The following CELF1 variants were observed in gnomAD, a reference collection of about 807,000 sequenced individuals.
The protein encoded by CELF1 is 50 kDa nuclear polyadenylated RNA-binding protein.
CELF1 carries 10 observed loss-of-function variants against 61.8 expected under a neutral mutation model. That is an observed-to-expected ratio of 0.16 (90% CI 0.10 to 0.27). The LOEUF is 0.27. CELF1 is among the 10% of genes least tolerant of loss of function. The pLI, the probability that CELF1 is intolerant of heterozygous loss-of-function variation, is 1.00. For missense variants in CELF1, 380 were observed against 639.1 expected (o/e 0.59, Z 4.37); for synonymous variants, 236 against 225.1 (o/e 1.05, Z -0.43).
chr11:47,493,652 T>C (rs1596754409), intron 3 of CELF1, among the ~76,000 whole-genome samples: 1 of 151,512 alleles, frequency 6.6e-6, no homozygotes, highest in Non-Finnish European at 1.5e-5. Context: ...AGTCTAGTAA[T>C]AATAAATGTA....
rs373864483 is a variant in CELF1 at position 47,501,232 on chromosome 11, C to T, written c.-153-300G>A. Among the ~76,000 whole-genome samples, 33 of 152,298 alleles carry T rather than the reference C, an allele frequency of 2.2e-4. 1 individual carries two copies. Among genetic ancestry groups the T allele is most frequent in the African/African-American group, 7.0e-4 (29 of 41,556 alleles). On this transcript the variant is annotated intron_variant, in intron 1 of 14. Transcript: ENST00000687097. ...AGAAGTGGCAGGAGCTCTCTTCCAC[C>T]CTATTAAAGCGGCAAAAACAAACTG...
At chr11:47,489,935 G>GTTTTTTTTTTTTTTTTTTGTTTTTTTTT (rs2090321690) in intron 3 of CELF1, among the ~76,000 whole-genome samples, 1 of 48,226 alleles carries the variant, frequency 2.1e-5, no homozygotes, top group Non-Finnish European at 3.9e-5. Flanking sequence ...ATACCATCTT[G>GTTTTTTTTTTTTTTTTTTGTTTTTTTTT]TTTTTTTTTT....
At chr11:47,479,637 AAAGT>A (rs1341171414) in intron 9 of CELF1, among the ~76,000 whole-genome samples, 3 of 152,132 alleles carry the variant, frequency 2.0e-5, no homozygotes, top group Admixed American at 6.5e-5. Context: ...CATGACAAAT[AAAGT>A]AAGAGGGCCT....
intron 1 of CELF1, among the ~76,000 whole-genome samples, chr11:47,548,580 T>TA: frequency 6.6e-6 from 1 of 151,936 alleles, no homozygotes; most frequent in East Asian, 1.9e-4. Flanking sequence ...ATCCAGAAAA[T>TA]AGAGGCTGGG....
chr11:47,511,313 G>A lies in CELF1; in HGVS notation c.-153-10381C>T, dbSNP rs2095141662. On this transcript the variant is annotated intron_variant, in intron 1 of 14. Transcript: ENST00000687097. ...TCAGGTCAAAGATAGAGGAGGGAGA[G>A]GCAGGCCCCAACTGTCAGTCTCTCT... 6.3e-5 allele frequency among the ~76,000 whole-genome samples: 9 copies of A among 142,560 alleles called. 1 individual carries two copies. In the South Asian group the frequency reaches 2.0e-3, roughly 32 times the overall value. The allele number at this position is 142,560 out of a possible 152,430, so 93.5% of individuals were successfully genotyped here.
intron 1 of CELF1, among the ~76,000 whole-genome samples, chr11:47,542,555 TG>T (rs2096836791): frequency 6.7e-6 from 1 of 149,972 alleles, no homozygotes; most frequent in Admixed American, 6.7e-5. Flanking sequence ...TGGAGTGTAG[TG>T]GCGTGATCTC....
At position 47,466,774 on chromosome 11, in the gene CELF1, T is replaced by C. The variant is rs751793248; in HGVS notation, c.*5456A>G. 7 of 152,302 alleles carry C rather than the reference T, an allele frequency of 4.6e-5. No homozygotes were observed. Among genetic ancestry groups the C allele is most frequent in the South Asian group, 2.1e-4 (1 of 4,812 alleles). 9.4% of individuals were successfully genotyped at this position (152,302 alleles called of 1,614,324 possible). ...CTCTTGGAATTGAAAGCAAAATATA[T>C]TGGCAAACACTGCTTCTCAATACAC... On this transcript the variant is annotated 3_prime_UTR_variant, in exon 15 of 15. Transcript: ENST00000687097.
intron 2 of CELF1, among the ~76,000 whole-genome samples, chr11:47,558,937 GGTAT>G (rs1452035852): frequency 7.6e-6 from 1 of 132,416 alleles, no homozygotes; most frequent in Non-Finnish European, 1.6e-5. Context: ...TATATAATGC[GGTAT>G]GTAATATATT....
chr11:47,552,916 C>T (rs1171689601), intron 1 of CELF1, 76 bp downstream of exon 1: 1 of 397,262 alleles, frequency 2.5e-6, no homozygotes, highest in Non-Finnish European at 4.4e-6. Context: ...CCGGACCCGC[C>T]CCGCGGCGCC....
chr11:47,477,189 C>T lies in CELF1; in HGVS notation c.973+108G>A, dbSNP rs545859030. On this transcript the variant is annotated intron_variant, in intron 11 of 14. Coordinates refer to ENST00000687097, the MANE Select transcript of CELF1 (RefSeq NM_001376376.1). ...TGAAAATTTGTTGCTCATAATCTGA[C>T]CTCTCTGGAAACAGGTGTTAACTAT... 7.1e-6 allele frequency: 9 copies of T among 1,265,684 alleles called. No individual in the cohort carries two copies. The Admixed American group carries it at 1.3e-4, about 18-fold the overall frequency. 78.4% of individuals were successfully genotyped at this position (1,265,684 alleles called of 1,614,324 possible).
chr11:47,502,171 T>C (rs374354737), intron 1 of CELF1, among the ~76,000 whole-genome samples: 3 of 152,100 alleles, frequency 2.0e-5, no homozygotes, highest in Non-Finnish European at 2.9e-5. Flanking sequence ...CAGTTGAAAA[T>C]AGAAAGCAGG....
chr11:47,558,115 C>G (rs544166944), upstream of CELF1, among the ~76,000 whole-genome samples: 1 of 152,048 alleles, frequency 6.6e-6, no homozygotes, highest in Non-Finnish European at 1.5e-5. Context: ...CCTCAGCCTC[C>G]GAAAGTGTTG....
intron 9 of CELF1, among the ~76,000 whole-genome samples, chr11:47,480,368 T>A (rs964750475): frequency 2.6e-5 from 4 of 152,206 alleles, no homozygotes; most frequent in Admixed American, 1.3e-4. Flanking sequence ...ATTACAGGCA[T>A]AAGCCACCGC....
intron 1 of CELF1, among the ~76,000 whole-genome samples, chr11:47,517,229 G>C (rs1195065030): frequency 7.1e-6 from 1 of 140,064 alleles, no homozygotes; most frequent in Non-Finnish European, 1.5e-5. Flanking sequence ...CTGGACAACT[G>C]AGAGAGAGCC....
chr11:47,550,789 T>G (rs1365880943), intron 1 of CELF1, among the ~76,000 whole-genome samples: 1 of 152,162 alleles, frequency 6.6e-6, no homozygotes, highest in Non-Finnish European at 1.5e-5. Context: ...TGTCTGCCTA[T>G]TACATCATGG....
chr11:47,553,498 C>T (rs922474221), upstream of CELF1, among the ~76,000 whole-genome samples: 4 of 152,236 alleles, frequency 2.6e-5, no homozygotes, highest in Admixed American at 6.5e-5. Flanking sequence ...GGAGGCACCC[C>T]TACTGGGCAC....
chr11:47,501,218 G>A (rs2093852551), intron 1 of CELF1, among the ~76,000 whole-genome samples: 1 of 152,192 alleles, frequency 6.6e-6, no homozygotes, highest in Non-Finnish European at 1.5e-5. Context: ...GAAGTGGCAG[G>A]AGCTCTCTTC....
At chr11:47,485,657 C>T (rs2086343952) in intron 6 of CELF1, among the ~76,000 whole-genome samples, 1 of 151,722 alleles carries the variant, frequency 6.6e-6, no homozygotes, top group Non-Finnish European at 1.5e-5. Flanking sequence ...TCTCAGCATA[C>T]TGCAACCACC....
At position 47,477,796 on chromosome 11, in the gene CELF1, G is replaced by A. The variant is rs188095377; in HGVS notation, c.845-371C>T. On this transcript the variant is annotated intron_variant, in intron 10 of 14. Coordinates refer to ENST00000687097, the MANE Select transcript of CELF1 (RefSeq NM_001376376.1). The stretch of plus-strand genomic sequence containing the variant: ...CCAGGCCCCTCACTCACACTTTACA[G>A]GGGATTCGCTCTCTGTAATAGAGGG... The A allele has an allele frequency of 2.0e-3, 383 of 193,658 alleles. 1 individual carries two copies. The highest frequency in any genetic ancestry group is 3.0e-3 in the Non-Finnish European group (271 of 91,340). 12.0% of individuals were successfully genotyped at this position (193,658 alleles called of 1,614,324 possible).
Sources: allele counts gnomAD v4.1 joint callset (sites outside exome capture counted in the v4.1 genomes callset), GRCh38; gene constraint gnomAD v4.1.1; transcripts MANE v1.5; gene names NCBI Gene and HGNC (gene_info 2026-07-23, HGNC 2026-07-21).